GRAP2: variants seen among roughly 807,000 people sequenced by gnomAD.
GRAP2 encodes the protein GRB2-related adapter protein 2.
A neutral mutation model predicts 43.5 loss-of-function variants in GRAP2; 31 were observed. The observed-to-expected ratio is 0.71, with a 90% CI of 0.54 to 0.96. The LOEUF (loss-of-function observed/expected upper bound fraction) is 0.96, where lower values mean the gene tolerates loss of function less well. Ranked by LOEUF, GRAP2 falls within the 40% of genes least tolerant of loss-of-function variation. The probability of loss-of-function intolerance (pLI) is 0.00; values close to 1 mark genes in which losing one functional copy is unlikely to be tolerated. For synonymous variants in GRAP2, 156 were observed against 164.8 expected (o/e 0.95, Z 0.41); for missense variants, 371 against 424.4 (o/e 0.87, Z 1.11).
chr22:39,972,510 C>G lies in GRAP2; in HGVS notation c.*1426C>G, dbSNP rs1261190372. On this transcript the variant is annotated 3_prime_UTR_variant, in exon 8 of 8. Transcript: ENST00000344138. ...CTGTGTGTCTGTGTGTGTGCTGAGA[C>G]AGGAAAGGGGGTGAAAGTGTTGGTG... 6.6e-6 allele frequency: 1 copy of G among 152,312 alleles called. No homozygotes were observed. The highest frequency in any genetic ancestry group is 2.4e-5 in the African/African-American group (1 of 41,444). The allele number at this position is 152,312 out of a possible 1,614,324, so 9.4% of individuals were successfully genotyped here.
intron 1 of GRAP2, among the ~76,000 whole-genome samples, chr22:39,929,278 A>AAG (rs1203692230): frequency 1.3e-5 from 2 of 151,732 alleles, no homozygotes; most frequent in Non-Finnish European, 2.9e-5. Context: ...GAAAGAGAGA[A>AAG]AGAGAGAGAG....
rs187297262 is a variant in GRAP2, at chr22:39,946,053, G to T, written c.-14-1040G>T. On this transcript the variant is annotated intron_variant, in intron 1 of 7. Coordinates refer to ENST00000344138, the MANE Select transcript of GRAP2 (RefSeq NM_004810.4). ...TTTTTGTATTTTTAGTAGAGACAGG[G>T]TTTTGCCATGTTGGCCAGGATGGTC... Among the ~76,000 whole-genome samples the T allele has an allele frequency of 2.6e-5, 4 of 152,262 alleles. No homozygotes were observed. In the East Asian group the frequency reaches 7.7e-4, roughly 29 times the overall value.
At chr22:39,961,441 T>G (rs973461109) in intron 4 of GRAP2, among the ~76,000 whole-genome samples, 2 of 152,206 alleles carry the variant, frequency 1.3e-5, no homozygotes, top group East Asian at 3.9e-4. Flanking sequence ...ACATGTATAG[T>G]TGTAGGCAGC....
intron 1 of GRAP2, among the ~76,000 whole-genome samples, chr22:39,921,629 A>G (rs2066653410): frequency 6.6e-6 from 1 of 152,186 alleles, no homozygotes; most frequent in Admixed American, 6.5e-5. Context: ...TTTGTAGTAA[A>G]TGATCTAGAT....
At chr22:39,968,593 C>A in intron 6 of GRAP2, 1 of 399,282 alleles carries the variant, frequency 2.5e-6, no homozygotes, top group Admixed American at 4.2e-5. Flanking sequence ...TATTCATGCC[C>A]CTTAGCCCAT....
At chr22:39,915,611 T>C (rs984022324) in intron 1 of GRAP2, among the ~76,000 whole-genome samples, 3 of 152,196 alleles carry the variant, frequency 2.0e-5, no homozygotes, top group Non-Finnish European at 4.4e-5. Flanking sequence ...TTCTGACTTC[T>C]ATAGCTGGCA....
chr22:39,904,270 C>A (rs919859929), intron 1 of GRAP2, among the ~76,000 whole-genome samples: 14 of 152,332 alleles, frequency 9.2e-5, no homozygotes, highest in Admixed American at 6.5e-4. Flanking sequence ...CGCCTGTAAT[C>A]CCAGCTACTT....
intron 1 of GRAP2, among the ~76,000 whole-genome samples, chr22:39,919,423 AATTAT>A (rs964376718): frequency 6.6e-6 from 1 of 152,110 alleles, no homozygotes; most frequent in African/African-American, 2.4e-5. Context: ...TAAGGTTTCT[AATTAT>A]ATTAGACCCT....
At chr22:39,925,468 T>C (rs1377968998) in intron 1 of GRAP2, among the ~76,000 whole-genome samples, 1 of 152,152 alleles carries the variant, frequency 6.6e-6, no homozygotes, top group South Asian at 2.1e-4. Flanking sequence ...AAGTGCAGCC[T>C]GTACACAAAC....
At chr22:39,906,943 G>A (rs1042391972) in intron 1 of GRAP2, among the ~76,000 whole-genome samples, 4 of 152,188 alleles carry the variant, frequency 2.6e-5, no homozygotes, top group Non-Finnish European at 5.9e-5. Flanking sequence ...TGGCTGACTT[G>A]TAATTTGAAA....
rs1046580273 is a variant in GRAP2, at chr22:39,960,359, C to T, written c.290+185C>T. 5.0e-6 allele frequency: 3 copies of T among 599,372 alleles called. No individual in the cohort carries two copies. In the East Asian group the frequency reaches 8.0e-5, roughly 16 times the overall value. The allele number at this position is 599,372 out of a possible 1,614,324, so 37.1% of individuals were successfully genotyped here. On this transcript the variant is annotated intron_variant, in intron 4 of 7. Coordinates refer to ENST00000344138, the MANE Select transcript of GRAP2 (RefSeq NM_004810.4). ...GCCTTCCCAAAACATGCACACACCA[C>T]TCTTTAGAACACTGGTGTGTGTTTG...
chr22:39,902,944 C>T (rs562940836), intron 1 of GRAP2, among the ~76,000 whole-genome samples: 2 of 152,198 alleles, frequency 1.3e-5, no homozygotes, highest in Non-Finnish European at 2.9e-5. Flanking sequence ...ATGTCTCTCA[C>T]TTATTTCCTG....
At chr22:39,940,048 C>T (rs552481296) in intron 1 of GRAP2, among the ~76,000 whole-genome samples, 4 of 152,322 alleles carry the variant, frequency 2.6e-5, no homozygotes, top group East Asian at 1.9e-4. Context: ...CCAACTCCCA[C>T]GCCACCCTCT....
At chr22:39,941,862 G>GT (rs796395252) in intron 1 of GRAP2, among the ~76,000 whole-genome samples, 1,484 of 143,214 alleles carry the variant, frequency 0.01, 3 homozygotes, top group African/African-American at 0.017. Context: ...CAGGAGAGGT[G>GT]TTTTTTTTTT....
chr22:39,931,746 G>C (rs1328930905), intron 1 of GRAP2, among the ~76,000 whole-genome samples: 1 of 152,226 alleles, frequency 6.6e-6, no homozygotes, highest in Non-Finnish European at 1.5e-5. Context: ...ATATGTAAGA[G>C]AGTTTAGAAG....
intron 6 of GRAP2, 172 bp from the exon 7 acceptor site, chr22:39,969,239 T>G (rs1470036601): frequency 1.5e-6 from 1 of 650,450 alleles, no homozygotes; most frequent in Non-Finnish European, 2.6e-6. Flanking sequence ...CTTCAGAATC[T>G]AAGGTGCCTT....
intron 1 of GRAP2, among the ~76,000 whole-genome samples, chr22:39,942,582 C>T (rs1286530271): frequency 6.6e-6 from 1 of 150,584 alleles, no homozygotes; most frequent in East Asian, 1.9e-4. Flanking sequence ...CCCAGGAGTT[C>T]GAGACCAGCC....
intron 1 of GRAP2, among the ~76,000 whole-genome samples, chr22:39,915,168 G>A (rs1355146898): frequency 1.7e-4 from 21 of 125,796 alleles, no homozygotes; most frequent in Admixed American, 3.8e-4. Flanking sequence ...CAGCCTGGGC[G>A]ACAGAGTCAG....
At chr22:39,900,489 T>C (rs1601680971), upstream of GRAP2, among the ~76,000 whole-genome samples, 1 of 152,172 alleles carries the variant, frequency 6.6e-6, no homozygotes, top group African/African-American at 2.4e-5. Flanking sequence ...GGGTGAGTGG[T>C]ACATTTAAAG....
Sources: allele counts gnomAD v4.1 joint callset (sites outside exome capture counted in the v4.1 genomes callset), GRCh38; gene constraint gnomAD v4.1.1; transcripts MANE v1.5; gene names NCBI Gene and HGNC (gene_info 2026-07-23, HGNC 2026-07-21).